PDZRN3: variants seen among roughly 807,000 people sequenced by gnomAD.
PDZRN3 encodes PDZ domain containing ring finger 3, also known as E3 ubiquitin-protein ligase PDZRN3.
PDZRN3 carries 38 observed loss-of-function variants against 85.7 expected under a neutral mutation model. That is an observed-to-expected ratio of 0.44 (90% CI 0.34 to 0.58). The LOEUF (loss-of-function observed/expected upper bound fraction) is 0.58. Ranked by LOEUF, PDZRN3 falls within the 20% of genes least tolerant of loss-of-function variation. The probability of loss-of-function intolerance (pLI) is 0.01; values close to 1 mark genes in which losing one functional copy is unlikely to be tolerated. For synonymous variants in PDZRN3, 759 were observed against 638.0 expected (o/e 1.19, Z -2.86); for missense variants, 1,629 against 1,506.4 (o/e 1.08, Z -1.35).
intron 3 of PDZRN3, among the ~76,000 whole-genome samples, chr3:73,551,712 A>G (rs867270030): frequency 1.4e-4 from 21 of 151,606 alleles, no homozygotes; most frequent in Middle Eastern, 6.8e-3. Context: ...AAAAAAAGGA[A>G]AAAAAGAAAC....
intron 3 of PDZRN3, among the ~76,000 whole-genome samples, chr3:73,490,811 C>T (rs1049832696): frequency 2.6e-5 from 4 of 152,228 alleles, no homozygotes; most frequent in African/African-American, 9.6e-5. Flanking sequence ...GCTACCGCTC[C>T]CTGTATCCCT....
intron 5 of PDZRN3, among the ~76,000 whole-genome samples, chr3:73,394,008 T>A (rs1215994035): frequency 6.6e-6 from 1 of 152,230 alleles, no homozygotes; most frequent in African/African-American, 2.4e-5. Flanking sequence ...TCTGTACATT[T>A]TTCCTTCTGA....
chr3:73,509,832 C>T (rs565785190), intron 3 of PDZRN3, among the ~76,000 whole-genome samples: 57 of 152,312 alleles, frequency 3.7e-4, no homozygotes, highest in African/African-American at 1.0e-3. Context: ...CACGGGCGGG[C>T]GGCTCTTCTC....
chr3:73,597,290 C>T (rs1702443044), intron 3 of PDZRN3, among the ~76,000 whole-genome samples: 1 of 152,008 alleles, frequency 6.6e-6, no homozygotes, highest in East Asian at 1.9e-4. Context: ...TGTAACAAAC[C>T]TTGTTAGCAA....
chr3:73,410,037 A>T (rs1701934201), intron 3 of PDZRN3, among the ~76,000 whole-genome samples: 2 of 152,206 alleles, frequency 1.3e-5, no homozygotes, highest in South Asian at 4.1e-4. Context: ...GGTTCATTTA[A>T]TTAAATACAG....
chr3:73,383,046 A>ATTCT lies in PDZRN3; in HGVS notation c.*315_*318dup, dbSNP rs2106658468. The ATTCT allele has an allele frequency of 4.2e-6, 1 of 237,308 alleles. No homozygotes were observed. The highest frequency in any genetic ancestry group is 8.8e-5 in the East Asian group (1 of 11,424). 14.7% of individuals were successfully genotyped at this position (237,308 alleles called of 1,614,324 possible). On this transcript the variant is annotated 3_prime_UTR_variant, in exon 10 of 10. Transcript: ENST00000263666. ...TATATGAATATAGTTTAAACAAGTT[A>ATTCT]TTCTGTGAAAGTATGCTTAATAAAA...
intron 3 of PDZRN3, among the ~76,000 whole-genome samples, chr3:73,418,378 C>G (rs1208125512): frequency 6.6e-6 from 1 of 152,170 alleles, no homozygotes. Context: ...TCCATTGATA[C>G]ATGCTGGGAA....
chr3:73,520,414 G>A (rs1433492769), intron 3 of PDZRN3, among the ~76,000 whole-genome samples: 1 of 152,164 alleles, frequency 6.6e-6, no homozygotes. Flanking sequence ...TGAGGCAGGA[G>A]GAACGCTTGA....
chr3:73,461,322 C>T (rs946645852), intron 3 of PDZRN3, among the ~76,000 whole-genome samples: 5 of 152,146 alleles, frequency 3.3e-5, no homozygotes, highest in African/African-American at 1.2e-4. Flanking sequence ...CATTCTTAGT[C>T]AATTTTGCAG....
chr3:73,584,285 G>A (rs988911744), intron 3 of PDZRN3, among the ~76,000 whole-genome samples: 6 of 152,172 alleles, frequency 3.9e-5, no homozygotes, highest in Admixed American at 1.3e-4. Flanking sequence ...AGTTAGGAAG[G>A]AAAGGAAAAA....
At chr3:73,489,103 A>T (rs1703720295) in intron 3 of PDZRN3, among the ~76,000 whole-genome samples, 1 of 152,192 alleles carries the variant, frequency 6.6e-6, no homozygotes, top group Non-Finnish European at 1.5e-5. Context: ...CCCCAGCCCC[A>T]GCCAAGGCAC....
intron 3 of PDZRN3, among the ~76,000 whole-genome samples, chr3:73,565,286 G>A (rs1701921625): frequency 6.6e-6 from 1 of 151,972 alleles, no homozygotes; most frequent in African/African-American, 2.4e-5. Flanking sequence ...CTGCTACTAT[G>A]TCCTGCTAAT....
At chr3:73,485,765 A>G (rs1258276283) in intron 3 of PDZRN3, among the ~76,000 whole-genome samples, 1 of 152,200 alleles carries the variant, frequency 6.6e-6, no homozygotes, top group Non-Finnish European at 1.5e-5. Context: ...AAATAAGACA[A>G]TTTCAGGGAA....
intron 3 of PDZRN3, among the ~76,000 whole-genome samples, chr3:73,465,802 G>A (rs971247285): frequency 4.6e-5 from 7 of 152,162 alleles, no homozygotes; most frequent in Non-Finnish European, 8.8e-5. Flanking sequence ...AATAGTTATA[G>A]TCTGATATAC....
At chr3:73,459,754 T>C (rs1703066342) in intron 3 of PDZRN3, among the ~76,000 whole-genome samples, 1 of 152,240 alleles carries the variant, frequency 6.6e-6, no homozygotes, top group African/African-American at 2.4e-5. Context: ...GAATCTGTCA[T>C]TGATGGGCAT....
At chr3:73,586,132 T>G (rs1428724206) in intron 3 of PDZRN3, among the ~76,000 whole-genome samples, 1 of 152,226 alleles carries the variant, frequency 6.6e-6, no homozygotes, top group Non-Finnish European at 1.5e-5. Context: ...TTATATTTTT[T>G]AAAAAGAGCA....
intron 1 of PDZRN3, chr3:73,623,783 C>T: frequency 3.9e-6 from 1 of 256,490 alleles, no homozygotes. Context: ...AGCCTTTGAA[C>T]GCAGTTTTGA....
chr3:73,396,609 A>G (rs1017260021), intron 5 of PDZRN3, among the ~76,000 whole-genome samples: 1 of 152,096 alleles, frequency 6.6e-6, no homozygotes, highest in Non-Finnish European at 1.5e-5. Context: ...AGGTTTGGAG[A>G]GCATTTTAGT....
At chr3:73,433,778 AG>A in intron 3 of PDZRN3, 1 of 1,524,478 alleles carries the variant, frequency 6.6e-7, no homozygotes, top group South Asian at 1.2e-5. Context: ...CTTACAGTGC[AG>A]GCATTGAAGG....
Sources: allele counts gnomAD v4.1 joint callset (sites outside exome capture counted in the v4.1 genomes callset), GRCh38; gene constraint gnomAD v4.1.1; transcripts MANE v1.5; gene names NCBI Gene and HGNC (gene_info 2026-07-23, HGNC 2026-07-21).